Variants in TEAD4 observed in about 807,000 individuals in gnomAD.
The protein encoded by TEAD4 is transcriptional enhancer factor TEF-3.
A neutral mutation model predicts 52.4 loss-of-function variants in TEAD4; 36 were observed. The observed-to-expected ratio is 0.69, with a 90% confidence interval of 0.53 to 0.91. TEAD4 has a LOEUF of 0.91. TEAD4 is among the 40% of genes least tolerant of loss of function. The probability of loss-of-function intolerance (pLI) is 0.00; values close to 1 mark genes in which losing one functional copy is unlikely to be tolerated. For missense variants in TEAD4, 508 were observed against 583.9 expected, an observed-to-expected ratio of 0.87 and a Z score of 1.34; for synonymous variants, 220 against 231.0, an observed-to-expected ratio of 0.95 and a Z score of 0.43.
intron 10 of TEAD4, among the ~76,000 whole-genome samples, chr12:3,028,639 C>T (rs2098273511): frequency 6.6e-6 from 1 of 151,808 alleles, no homozygotes; most frequent in African/African-American, 2.4e-5. Context: ...GGTCCATTGC[C>T]CTTTTTTTTT....
Position 3,017,468 on chromosome 12 carries a change from C to T in TEAD4, c.425C>T (p.Thr142Met), listed in dbSNP as rs1326407755. 5.6e-6 allele frequency: 9 copies of T among 1,614,096 alleles called. No individual in the cohort carries two copies. The highest frequency in any genetic ancestry group is 7.6e-6 in the Non-Finnish European group (9 of 1,180,054). ...TCGTCTGCACAGATCATCTCCGCCA[C>T]GGCCTTCCACAGTAGCATGGCCCTC... The change falls in exon 6 of 13, where the codon ACG (threonine) becomes ATG (methionine). Residue 142 changes from threonine to methionine, a missense_variant. Coordinates refer to ENST00000359864, the MANE Select transcript of TEAD4 (RefSeq NM_003213.4).
intron 3 of TEAD4, among the ~76,000 whole-genome samples, chr12:2,996,839 C>T (rs1326123366): frequency 6.6e-6 from 1 of 152,198 alleles, no homozygotes; most frequent in Non-Finnish European, 1.5e-5. Flanking sequence ...CTTCACCCTC[C>T]CGAGTAGTTG....
intron 2 of TEAD4, among the ~76,000 whole-genome samples, chr12:2,978,334 T>C (rs1425045011): frequency 1.3e-5 from 2 of 152,158 alleles, no homozygotes; most frequent in Non-Finnish European, 2.9e-5. Flanking sequence ...CTTTTTCATC[T>C]TCCGAAACTG....
intron 2 of TEAD4, among the ~76,000 whole-genome samples, chr12:2,960,596 C>A (rs2098214493): frequency 6.6e-6 from 1 of 152,144 alleles, no homozygotes; most frequent in Non-Finnish European, 1.5e-5. Context: ...TGCGAGTCCC[C>A]CTCGCTTTGA....
intron 3 of TEAD4, among the ~76,000 whole-genome samples, chr12:2,997,548 T>C (rs906495017): frequency 1.3e-5 from 2 of 150,952 alleles, no homozygotes; most frequent in African/African-American, 4.9e-5. Flanking sequence ...GCAGGGGGAG[T>C]GTAGGGAAGG....
chr12:2,994,745 G>T lies in TEAD4; in HGVS notation c.-22G>T, dbSNP rs750192212. The stretch of plus-strand genomic sequence containing the variant: ...TGGTTCCTGTCCCCACAGGTCCAAC[G>T]AGCGCTCCTCCAAGCGGAGCCTTGG... On this transcript the variant is annotated 5_prime_UTR_variant, in exon 3 of 13. Coordinates refer to ENST00000359864, the MANE Select transcript of TEAD4 (RefSeq NM_003213.4). This position sits in a 1 kb window ranked among gnomAD's most constrained non-coding sequence, Gnocchi z 4.7. 38 of 1,582,932 alleles carry T rather than the reference G, an allele frequency of 2.4e-5. No homozygotes were observed. In the South Asian group the frequency reaches 3.8e-4, roughly 16 times the overall value.
At chr12:3,034,964 G>T (rs373822952) in intron 10 of TEAD4, among the ~76,000 whole-genome samples, 5 of 152,040 alleles carry the variant, frequency 3.3e-5, no homozygotes, top group African/African-American at 9.6e-5. Flanking sequence ...AGCCGAGCGT[G>T]GTGGTGGGCA....
At chr12:2,998,579 G>T (rs2068970) in intron 3 of TEAD4, among the ~76,000 whole-genome samples, 31,274 of 151,582 alleles carry the variant, frequency 0.21, 4,258 homozygotes, top group African/African-American at 0.39. Flanking sequence ...CAGAGGTGCT[G>T]CTTCACTGTG....
At chr12:2,976,572 G>C (rs1020105749) in intron 2 of TEAD4, among the ~76,000 whole-genome samples, 9 of 152,182 alleles carry the variant, frequency 5.9e-5, no homozygotes, top group Non-Finnish European at 1.5e-5. Flanking sequence ...GGGAGGCCAG[G>C]GGGCAAGGCC....
At chr12:3,020,610 A>C in intron 8 of TEAD4, 24 bp from the exon 9 acceptor site, 1 of 1,512,542 alleles carries the variant, frequency 6.6e-7, no homozygotes, top group Non-Finnish European at 8.9e-7. Context: ...ACCAGGTTCC[A>C]TGTGCCTTTC....
At chr12:2,985,631 T>G (rs566730682) in intron 2 of TEAD4, among the ~76,000 whole-genome samples, 16 of 146,502 alleles carry the variant, frequency 1.1e-4, no homozygotes, top group East Asian at 4.6e-4. Flanking sequence ...TCAGCCTCCC[T>G]AGTAGCTGGG....
chr12:3,038,080 T>A lies in TEAD4; in HGVS notation c.1010T>A (p.Phe337Tyr). Residue 337 changes from phenylalanine to tyrosine, a missense_variant, in exon 11 of 13, where the codon TTC (phenylalanine) becomes TAC (tyrosine). Phe to Tyr is a conservative substitution (Grantham distance 22, BLOSUM62 3). Coordinates refer to ENST00000359864, the MANE Select transcript of TEAD4 (RefSeq NM_003213.4). Reference sequence around the variant, plus strand: ...ACCTGCTCCACGAAGGTCTGCTCTTTCGGCAAGCAGGTGGTGGAGAAAGTT... The same window carrying A: ...ACCTGCTCCACGAAGGTCTGCTCTTACGGCAAGCAGGTGGTGGAGAAAGTT... 6.2e-7 allele frequency: 1 copy of A among 1,613,356 alleles called. No individual in the cohort carries two copies. The highest frequency in any genetic ancestry group is 1.1e-5 in the South Asian group (1 of 91,000).
chr12:3,018,807 CCA>C (rs2098266489), intron 7 of TEAD4, among the ~76,000 whole-genome samples: 1 of 152,114 alleles, frequency 6.6e-6, no homozygotes, highest in African/African-American at 2.4e-5. Context: ...TGCCAAAACT[CCA>C]GTCTGTCCAG....
chr12:2,972,095 G>GA (rs1429346889), intron 2 of TEAD4, among the ~76,000 whole-genome samples: 2 of 148,440 alleles, frequency 1.3e-5, no homozygotes, highest in Non-Finnish European at 3.0e-5. Context: ...TTACAGGCGT[G>GA]AGCCACAGAG....
intron 2 of TEAD4, among the ~76,000 whole-genome samples, chr12:2,972,223 C>T (rs1180829955): frequency 1.3e-5 from 2 of 152,056 alleles, no homozygotes; most frequent in Non-Finnish European, 2.9e-5. Flanking sequence ...GGACCACAGA[C>T]ATGTGCCACC....
rs914484831 is a variant in TEAD4, at chr12:2,975,714, C to T, written c.-30+15674C>T. ...GCACATTATTAGAGTCCATAGTTCACATTAGGGTCCCTTCTTGGTGTTGTC... is the reference window on the plus strand; with the variant it reads ...GCACATTATTAGAGTCCATAGTTCATATTAGGGTCCCTTCTTGGTGTTGTC... On this transcript the variant is annotated intron_variant, in intron 2 of 12. Transcript: ENST00000359864. 2.0e-5 allele frequency among the ~76,000 whole-genome samples: 3 copies of T among 151,976 alleles called. No homozygotes were observed. In the South Asian group the frequency reaches 6.2e-4, roughly 32 times the overall value.
At chr12:3,008,370 G>A (rs1457968839) in intron 3 of TEAD4, among the ~76,000 whole-genome samples, 1 of 152,146 alleles carries the variant, frequency 6.6e-6, no homozygotes, top group Non-Finnish European at 1.5e-5. Flanking sequence ...ACAGCAAGAA[G>A]TTTAGGATGG....
intron 4 of TEAD4, among the ~76,000 whole-genome samples, chr12:3,011,902 G>A (rs1274846951): frequency 6.6e-6 from 1 of 152,178 alleles, no homozygotes; most frequent in Non-Finnish European, 1.5e-5. Context: ...CTGACCTCAA[G>A]TGATCCACCT....
chr12:2,960,967 T>C (rs918959371), intron 2 of TEAD4, among the ~76,000 whole-genome samples: 4 of 152,258 alleles, frequency 2.6e-5, no homozygotes, highest in South Asian at 4.1e-4. Context: ...CACCTGCCTC[T>C]TGGAGCCAGG....
Sources: gnomAD v4.1 joint callset for allele counts (sites outside exome capture counted in the v4.1 genomes callset) on GRCh38, gnomAD v4.1.1 for gene constraint, Gnocchi (gnomAD v3.1) non-coding constraint, MANE v1.5 for transcripts, NCBI Gene and HGNC (gene_info 2026-07-23, HGNC 2026-07-21) for gene names.